Variants in HSPG2 observed in about 807,000 individuals in gnomAD.
The protein encoded by HSPG2 is heparan sulfate proteoglycan 2.
A neutral mutation model predicts 526.6 loss-of-function variants in HSPG2; 278 were observed. The observed-to-expected ratio is 0.53, with a 90% CI of 0.48 to 0.58. HSPG2 has a LOEUF of 0.58. HSPG2 is among the 20% of genes least tolerant of loss of function. The probability of loss-of-function intolerance (pLI) is 0.00; values close to 1 mark genes in which losing one functional copy is unlikely to be tolerated. For missense variants in HSPG2, 5,354 were observed against 6,099.5 expected, an observed-to-expected ratio of 0.88 and a Z score of 4.07; for synonymous variants, 2,465 against 2,555.4, an observed-to-expected ratio of 0.96 and a Z score of 1.07.
rs781468874 is a variant in HSPG2, at chr1:21,887,261, G to A, written c.1032C>T (p.Cys344=). The change falls in exon 9 of 97, where the codon TGC becomes TGT. Residue 344 remains cysteine (C), a synonymous_variant. Transcript: ENST00000374695. The surrounding 1 kb of genome is among the most constrained non-coding windows in gnomAD (Gnocchi z 5.0). ...GGTCCTCACAGTCAAAGTCACCATCGCAGCGCCACAGCTTGAGGGCACAAT... is the reference window on the plus strand; with the variant it reads ...GGTCCTCACAGTCAAAGTCACCATCACAGCGCCACAGCTTGAGGGCACAAT... The part of the protein sequence containing the change: ...NGHCALKLWR[C]DGDFDCEDRT... The A allele has an allele frequency of 6.8e-6, 11 of 1,613,744 alleles. No homozygotes were observed. Among genetic ancestry groups the A allele is most frequent in the South Asian group, 2.2e-5 (2 of 91,076 alleles).
At position 21,896,261 on chromosome 1, in the gene HSPG2, A is replaced by G; in HGVS notation, c.113T>C (p.Ile38Thr). 2 of 1,613,760 alleles carry G rather than the reference A, an allele frequency of 1.2e-6. No homozygotes were observed. The highest frequency in any genetic ancestry group is 2.2e-5 in the South Asian group (2 of 91,076). ...AYDGLSLPED[I>T]ETVTASQMRW... ...CATTTGGCTTGCTGTGACGGTCTCT[A>G]TGTCCTCAGGCAGAGACAAGCCATC... The change falls in exon 2 of 97, where the codon ATA becomes ACA. Residue 38 changes from isoleucine to threonine, a missense_variant. Physicochemically the swap from Ile to Thr is moderately conservative, Grantham distance 89. Transcript: ENST00000374695.
chr1:21,832,781 G>A (rs765179269), intron 80 of HSPG2, 175 bp from the exon 81 acceptor site: 1 of 615,042 alleles, frequency 1.6e-6, no homozygotes, highest in Non-Finnish European at 2.9e-6. Context: ...TGCCCCAAAC[G>A]CAAGGGCCTT....
chr1:21,833,173 TGA>T, intron 80 of HSPG2, 93 bp downstream of exon 80: 2 of 1,037,968 alleles, frequency 1.9e-6, no homozygotes, highest in Non-Finnish European at 1.5e-6. Flanking sequence ...GGGGCAGGAC[TGA>T]GGGGCAGCCA....
chr1:21,885,368 A>G lies in HSPG2; in HGVS notation c.1162T>C (p.Cys388Arg). ...TCAGGACAGTCGCTCTCCTCGTCAC[A>G]GTGGAAGCTGGCTGGGATGCACATG... ...TNMCIPASFH[C>R]DEESDCPDRS... The change falls in exon 10 of 97, where the codon TGT becomes CGT. Residue 388 changes from cysteine (C) to arginine (R), a missense_variant. By Grantham distance (180) the Cys-to-Arg change is radical. Coordinates refer to ENST00000374695, the MANE Select transcript of HSPG2 (RefSeq NM_005529.7). The G allele has an allele frequency of 6.2e-7, 1 of 1,614,122 alleles. No homozygotes were observed.
chr1:21,937,256 G>C lies in HSPG2; in HGVS notation c.-39C>G. The stretch of plus-strand genomic sequence containing the variant: ...CCGCTCTCTCGCTCGCTCGCTCCGC[G>C]CCGCCCGCTCCGCGCCGCCCGCAGC... On this transcript the variant is annotated 5_prime_UTR_variant, in exon 1 of 97. Transcript: ENST00000374695. 1.2e-6 allele frequency: 1 copy of C among 822,160 alleles called. No homozygotes were observed. The highest frequency in any genetic ancestry group is 1.5e-6 in the Non-Finnish European group (1 of 688,164). The allele number at this position is 822,160 out of a possible 1,614,324, so 50.9% of individuals were successfully genotyped here.
Position 21,850,143 on chromosome 1 carries a change from C to T in HSPG2, c.7344G>A (p.Val2448=). 6.2e-7 allele frequency: 1 copy of T among 1,613,416 alleles called. No homozygotes were observed. The highest frequency in any genetic ancestry group is 8.5e-7 in the Non-Finnish European group (1 of 1,180,036). The change falls in exon 57 of 97, where the codon GTG becomes GTA. Residue 2448 remains valine, a synonymous_variant. Coordinates refer to ENST00000374695, the MANE Select transcript of HSPG2 (RefSeq NM_005529.7). ...TVRIESSSSQ[V]AEGQTLDLNC... is the part of the protein sequence containing the mutation. Reference sequence around the variant, plus strand: ...TCAGGTCCAGGGTCTGCCCCTCGGCCACTTGCGAAGACGATGACTCGATCC... The same window carrying T: ...TCAGGTCCAGGGTCTGCCCCTCGGCTACTTGCGAAGACGATGACTCGATCC...
Position 21,890,016 on chromosome 1 carries a change from G to A in HSPG2, c.539C>T (p.Ser180Phe), listed in dbSNP as rs1201257760. ...SSGSVASYVT[S>F]PQGFQFRRLG... is the part of the protein sequence containing the mutation. ...GCGTCGGAACTGGAATCCCTGGGGAGAGGTGACGTAGGAGGCCACAGAGCC... is the reference window on the plus strand; with the variant it reads ...GCGTCGGAACTGGAATCCCTGGGGAAAGGTGACGTAGGAGGCCACAGAGCC... Residue 180 changes from serine to phenylalanine, a missense_variant, in exon 6 of 97, where the codon TCT becomes TTT. By Grantham distance (155) the Ser-to-Phe change is radical. Transcript: ENST00000374695. The surrounding 1 kb of genome is among the most constrained non-coding windows in gnomAD (Gnocchi z 4.1). 1 of 1,614,072 alleles carries A rather than the reference G, an allele frequency of 6.2e-7. No individual in the cohort carries two copies. Among genetic ancestry groups the A allele is most frequent in the Non-Finnish European group, 8.5e-7 (1 of 1,179,978 alleles).
Position 21,839,883 on chromosome 1 carries a change from A to T in HSPG2, c.9648T>A (p.Ala3216=). The change falls in exon 72 of 97, where the codon GCT becomes GCA. Residue 3216 remains alanine, a synonymous_variant. Transcript: ENST00000374695. This position sits in a 1 kb window ranked among gnomAD's most constrained non-coding sequence, Gnocchi z 4.5. ...AMAPGAPQVQ[A]EEAELTVEAG... is the part of the protein sequence containing the mutation. ...CCTCCACAGTCAGCTCAGCTTCTTC[A>T]GCTTGGACCTGAGGGGCCCCTGGGG... is the stretch of plus-strand genomic sequence containing the variant. 3 of 1,614,070 alleles carry T rather than the reference A, an allele frequency of 1.9e-6. No individual in the cohort carries two copies. In the South Asian group the frequency reaches 3.3e-5, roughly 18 times the overall value.
In HSPG2 at chr1:21,904,845, G is replaced by A. The variant is rs1375885629; in HGVS notation, c.64-8535C>T. Among the ~76,000 whole-genome samples the A allele has an allele frequency of 6.6e-6, 1 of 152,152 alleles. No individual in the cohort carries two copies. Among genetic ancestry groups the A allele is most frequent in the Non-Finnish European group, 1.5e-5 (1 of 68,014 alleles). On this transcript the variant is annotated intron_variant, in intron 1 of 96. Transcript: ENST00000374695. The surrounding 1 kb of genome is among the most constrained non-coding windows in gnomAD (Gnocchi z 4.4). ...CCTGGCTTGGTTCTCAGGTTCTCCGGCTCCCAGCTGCCCTGCTGCCCTGGC... is the reference window on the plus strand; with the variant it reads ...CCTGGCTTGGTTCTCAGGTTCTCCGACTCCCAGCTGCCCTGCTGCCCTGGC...
chr1:21,933,686 G>A (rs960573081), intron 1 of HSPG2, among the ~76,000 whole-genome samples: 1 of 152,242 alleles, frequency 6.6e-6, no homozygotes, highest in Admixed American at 6.5e-5. Context: ...ATGGGCCTAA[G>A]GGATGGGGGG....
At chr1:21,908,666 A>G in intron 1 of HSPG2, 1 of 565,572 alleles carries the variant, frequency 1.8e-6, no homozygotes, top group Non-Finnish European at 3.1e-6. Context: ...TTTGATTAAA[A>G]TAAGGGTCTC....
chr1:21,925,416 G>A (rs1485372573), intron 1 of HSPG2, among the ~76,000 whole-genome samples: 2 of 152,164 alleles, frequency 1.3e-5, no homozygotes, highest in Non-Finnish European at 2.9e-5. Context: ...CCCAGTATGA[G>A]GGGGACACAG....
intron 17 of HSPG2, 99 bp from the exon 18 acceptor site, chr1:21,879,220 G>A (rs913579568): frequency 2.3e-5 from 32 of 1,410,524 alleles, no homozygotes; most frequent in African/African-American, 5.6e-5. Context: ...TCCCCATCAC[G>A]CTGGAGGCAC....
Position 21,836,968 on chromosome 1 carries a change from C to T in HSPG2, c.10189G>A (p.Gly3397Arg). 1 of 1,554,518 alleles carries T rather than the reference C, an allele frequency of 6.4e-7. No individual in the cohort carries two copies. The highest frequency in any genetic ancestry group is 8.7e-7 in the Non-Finnish European group (1 of 1,149,038). Residue 3397 changes from glycine (G) to arginine (R), a missense_variant, in exon 75 of 97, where the codon GGG (glycine) becomes AGG (arginine). Transcript: ENST00000374695. ...GTGACCTGCACGGTGGGCGTGGACCCTGCTGGGATGGAGGTGGCAGGGAGA... is the reference window on the plus strand; with the variant it reads ...GTGACCTGCACGGTGGGCGTGGACCTTGCTGGGATGGAGGTGGCAGGGAGA... ...GSLPATSIPA[G>R]STPTVQVTPQ... is the part of the protein sequence containing the mutation.
Position 21,876,052 on chromosome 1 carries a change from G to C in HSPG2, c.3004-10C>G. On this transcript the variant is annotated splice_polypyrimidine_tract_variant and intron_variant, in intron 23 of 96. Coordinates refer to ENST00000374695, the MANE Select transcript of HSPG2 (RefSeq NM_005529.7). Reference sequence around the variant, plus strand: ...CTCCATAGGAGGTCACCTGGGACCAGGGTTAGACAGGAGCTTGCGGAGGCC... The same window carrying C: ...CTCCATAGGAGGTCACCTGGGACCACGGTTAGACAGGAGCTTGCGGAGGCC... The C allele has an allele frequency of 6.2e-7, 1 of 1,613,738 alleles. No individual in the cohort carries two copies. The highest frequency in any genetic ancestry group is 8.5e-7 in the Non-Finnish European group (1 of 1,179,896).
At chr1:21,871,825 G>A (rs546023622) in intron 33 of HSPG2, among the ~76,000 whole-genome samples, 1 of 151,670 alleles carries the variant, frequency 6.6e-6, no homozygotes, top group East Asian at 1.9e-4. Flanking sequence ...AGTGAAGTCG[G>A]AGCGGGCACG....
chr1:21,839,260 G>A lies in HSPG2; in HGVS notation c.9889+111C>T. ...CGGGCAGGGCAGGCTCCAGGACCCTGCAGCGCCTGGAGACCTCTGGATGGG... is the reference window on the plus strand; with the variant it reads ...CGGGCAGGGCAGGCTCCAGGACCCTACAGCGCCTGGAGACCTCTGGATGGG... On this transcript the variant is annotated intron_variant, in intron 73 of 96. Coordinates refer to ENST00000374695, the MANE Select transcript of HSPG2 (RefSeq NM_005529.7). The surrounding 1 kb of genome is among the most constrained non-coding windows in gnomAD (Gnocchi z 4.5). The A allele has an allele frequency of 1.2e-5, 17 of 1,456,018 alleles. No individual in the cohort carries two copies. Among genetic ancestry groups the A allele is most frequent in the Non-Finnish European group, 1.5e-5 (16 of 1,051,690 alleles). 90.2% of individuals were successfully genotyped at this position (1,456,018 alleles called of 1,614,324 possible).
At chr1:21,912,227 C>T (rs992928445) in intron 1 of HSPG2, among the ~76,000 whole-genome samples, 1 of 152,192 alleles carries the variant, frequency 6.6e-6, no homozygotes, top group African/African-American at 2.4e-5. Context: ...CTCTGAGCCT[C>T]TGTGTCTTCA....
chr1:21,868,017 A>G (rs1391718719), intron 33 of HSPG2, among the ~76,000 whole-genome samples: 3 of 149,148 alleles, frequency 2.0e-5, no homozygotes, highest in Non-Finnish European at 4.4e-5. Context: ...GGCATGAGCC[A>G]CCGCACCCAG....
Sources: gnomAD v4.1 joint callset for allele counts (sites outside exome capture counted in the v4.1 genomes callset) on GRCh38, gnomAD v4.1.1 for gene constraint, Gnocchi (gnomAD v3.1) non-coding constraint, MANE v1.5 for transcripts, NCBI Gene and HGNC (gene_info 2026-07-23, HGNC 2026-07-21) for gene names.